Variants in TMEM132D observed in about 807,000 individuals in gnomAD.
TMEM132D encodes mature OL transmembrane protein.
TMEM132D carries 21 observed loss-of-function variants against 62.3 expected under a neutral mutation model. The ratio of observed to expected loss-of-function variants is 0.34; its 90% CI spans 0.24 to 0.49. TMEM132D has a LOEUF of 0.49. Among genes scored for constraint, TMEM132D ranks in the 20% least tolerant of loss-of-function variants. The probability of loss-of-function intolerance (pLI) is 0.99; values close to 1 mark genes in which losing one functional copy is unlikely to be tolerated. For synonymous variants in TMEM132D, 621 were observed against 575.6 expected, an observed-to-expected ratio of 1.08 and a Z score of -1.13; for missense variants, 1,346 against 1,402.8, an observed-to-expected ratio of 0.96 and a Z score of 0.65.
At chr12:129,176,972 C>T (rs1322082305) in intron 5 of TMEM132D, among the ~76,000 whole-genome samples, 1 of 152,200 alleles carries the variant, frequency 6.6e-6, no homozygotes, top group East Asian at 1.9e-4. Context: ...CAGGACTGCC[C>T]CCAGCCGTCT....
chr12:129,902,115 C>A (rs1875378303), intron 1 of TMEM132D, among the ~76,000 whole-genome samples: 1 of 152,154 alleles, frequency 6.6e-6, no homozygotes, highest in Admixed American at 6.5e-5. Context: ...TAAATCGAAC[C>A]ATCACAGAAC....
At chr12:129,537,799 G>A (rs749871795) in intron 2 of TMEM132D, among the ~76,000 whole-genome samples, 3 of 152,212 alleles carry the variant, frequency 2.0e-5, no homozygotes, top group Non-Finnish European at 4.4e-5. Context: ...GGAAGCATGG[G>A]GGTGTGGCCT....
chr12:129,837,558 T>G (rs1057405832), intron 1 of TMEM132D, among the ~76,000 whole-genome samples: 1 of 152,200 alleles, frequency 6.6e-6, no homozygotes, highest in African/African-American at 2.4e-5. Context: ...ATAGAAGGAT[T>G]TATGCTTTAA....
chr12:129,305,078 A>G (rs910187526), intron 4 of TMEM132D, among the ~76,000 whole-genome samples: 2 of 152,214 alleles, frequency 1.3e-5, no homozygotes, highest in Admixed American at 1.3e-4. Flanking sequence ...TTACTTGGGG[A>G]ATGCCAGTAC....
intron 1 of TMEM132D, among the ~76,000 whole-genome samples, chr12:129,750,547 T>G (rs1404582122): frequency 6.6e-6 from 1 of 152,202 alleles, no homozygotes; most frequent in Admixed American, 6.5e-5. Context: ...TTACAGTATT[T>G]CCAAATAACA....
At chr12:129,163,207 G>T (rs1376055225) in intron 5 of TMEM132D, among the ~76,000 whole-genome samples, 1 of 152,228 alleles carries the variant, frequency 6.6e-6, no homozygotes, top group Non-Finnish European at 1.5e-5. Flanking sequence ...AGTTGTAATT[G>T]TGTTTGTGTC....
chr12:129,140,506 T>G (rs1336720572), intron 5 of TMEM132D, among the ~76,000 whole-genome samples: 1 of 152,140 alleles, frequency 6.6e-6, no homozygotes, highest in African/African-American at 2.4e-5. Context: ...TTTTACAGTA[T>G]AGAGTCTTTT....
rs551330695 is a variant in TMEM132D at position 129,135,720 on chromosome 12, C to T, written c.1444-51018G>A. Among the ~76,000 whole-genome samples, 3 of 152,032 alleles carry T rather than the reference C, an allele frequency of 2.0e-5. No homozygotes were observed. In the South Asian group the frequency reaches 6.2e-4, roughly 32 times the overall value. ...AATTAGGATGTTAGCAGGGTTGGTT[C>T]CTTCTGAGAAAGTGAGGGAGAATCT... On this transcript the variant is annotated intron_variant, in intron 5 of 8. Coordinates refer to ENST00000422113, the MANE Select transcript of TMEM132D (RefSeq NM_133448.3).
chr12:129,244,551 G>A (rs1291529565), intron 4 of TMEM132D, among the ~76,000 whole-genome samples: 1 of 152,160 alleles, frequency 6.6e-6, no homozygotes, highest in African/African-American at 2.4e-5. Context: ...CCTTGTGAGA[G>A]TATTTGTATT....
chr12:129,895,306 T>G (rs1443499804), intron 1 of TMEM132D, among the ~76,000 whole-genome samples: 1 of 152,208 alleles, frequency 6.6e-6, no homozygotes, highest in Non-Finnish European at 1.5e-5. Context: ...TCTCTATCTT[T>G]ACTCCACATT....
At chr12:129,185,723 ATCTG>A (rs965860278) in intron 5 of TMEM132D, among the ~76,000 whole-genome samples, 53 of 149,950 alleles carry the variant, frequency 3.5e-4, no homozygotes, top group East Asian at 2.3e-3. Flanking sequence ...GTCTCTATCT[ATCTG>A]TCTATCTATC....
At chr12:129,802,747 T>C (rs1221481371) in intron 1 of TMEM132D, among the ~76,000 whole-genome samples, 11 of 151,348 alleles carry the variant, frequency 7.3e-5, no homozygotes, top group African/African-American at 2.7e-4. Context: ...GACTGGCAAA[T>C]TGGATAAAGA....
intron 3 of TMEM132D, among the ~76,000 whole-genome samples, chr12:129,421,979 TC>T (rs1257582970): frequency 6.6e-6 from 1 of 152,108 alleles, no homozygotes; most frequent in South Asian, 2.1e-4. Context: ...TCCCCCAGAT[TC>T]TTTCCTTCTC....
chr12:129,468,598 A>G (rs532789352), intron 3 of TMEM132D, among the ~76,000 whole-genome samples: 22 of 152,310 alleles, frequency 1.4e-4, no homozygotes, highest in African/African-American at 5.3e-4. Context: ...TTGTATCCTC[A>G]AAATAAAAGT....
chr12:129,530,168 C>CA (rs547803707), intron 3 of TMEM132D, among the ~76,000 whole-genome samples: 11 of 151,598 alleles, frequency 7.3e-5, no homozygotes, highest in South Asian at 6.2e-4. Flanking sequence ...GATCATAAGC[C>CA]AAAAAAAATC....
rs75111131 is a variant in TMEM132D at position 129,594,518 on chromosome 12, A to G, written c.969-63313T>C. 7.2e-5 allele frequency among the ~76,000 whole-genome samples: 11 copies of G among 152,336 alleles called. No homozygotes were observed. The East Asian group carries it at 2.1e-3, about 29-fold the overall frequency. Reference sequence around the variant, plus strand: ...CATACTGTCCATTAAGCCAAAATGTATAGACTGTTGGAAAGCACAGCCTTT... The same window carrying G: ...CATACTGTCCATTAAGCCAAAATGTGTAGACTGTTGGAAAGCACAGCCTTT... On this transcript the variant is annotated intron_variant, in intron 2 of 8. Coordinates refer to ENST00000422113, the MANE Select transcript of TMEM132D (RefSeq NM_133448.3).
intron 4 of TMEM132D, among the ~76,000 whole-genome samples, chr12:129,249,123 G>T (rs1337533248): frequency 6.6e-6 from 1 of 152,166 alleles, no homozygotes; most frequent in Non-Finnish European, 1.5e-5. Flanking sequence ...CCGGGATATT[G>T]TATACAGCTC....
intron 2 of TMEM132D, among the ~76,000 whole-genome samples, chr12:129,536,528 T>A (rs1876395287): frequency 6.6e-6 from 1 of 152,230 alleles, no homozygotes; most frequent in African/African-American, 2.4e-5. Flanking sequence ...TACATCAACA[T>A]GTTGATATAT....
At chr12:129,119,337 G>A (rs992136662) in intron 5 of TMEM132D, among the ~76,000 whole-genome samples, 6 of 152,014 alleles carry the variant, frequency 3.9e-5, no homozygotes, top group Non-Finnish European at 7.4e-5. Flanking sequence ...CGTTAGCCAC[G>A]GCACTATTCA....
Sources: allele counts gnomAD v4.1 joint callset (sites outside exome capture counted in the v4.1 genomes callset), GRCh38; gene constraint gnomAD v4.1.1; transcripts MANE v1.5; gene names NCBI Gene and HGNC (gene_info 2026-07-23, HGNC 2026-07-21).